The following CACNA1E variants were observed in gnomAD, a reference collection of about 807,000 sequenced individuals.
CACNA1E encodes the protein calcium voltage-gated channel subunit alpha1 E, also known as voltage-dependent R-type calcium channel subunit alpha-1E.
Under a neutral mutation model 259.2 loss-of-function variants are expected in CACNA1E, and 40 were observed. The ratio of observed to expected loss-of-function variants is 0.15; its 90% CI spans 0.12 to 0.20. The LOEUF is 0.20. Ranked by LOEUF, CACNA1E falls within the 10% of genes least tolerant of loss-of-function variation. The pLI, the probability that CACNA1E is intolerant of heterozygous loss-of-function variation, is 1.00. For missense variants in CACNA1E, 1,874 were observed against 3,040.1 expected (o/e 0.62, Z 9.02); for synonymous variants, 1,104 against 1,138.5 (o/e 0.97, Z 0.61).
intron 3 of CACNA1E, among the ~76,000 whole-genome samples, chr1:181,555,323 G>A (rs745320967): frequency 6.6e-5 from 10 of 152,204 alleles, no homozygotes; most frequent in African/African-American, 2.2e-4. Context: ...ACTCCAGGAG[G>A]AAAAGGTATG....
chr1:181,354,144 C>CTTT (rs374722982), intron 1 of CACNA1E, among the ~76,000 whole-genome samples: 2 of 135,736 alleles, frequency 1.5e-5, no homozygotes, highest in Admixed American at 7.5e-5. Flanking sequence ...GGGCAGAGGA[C>CTTT]TTTTTTTTTT....
intron 3 of CACNA1E, among the ~76,000 whole-genome samples, chr1:181,549,369 G>A (rs1210745863): frequency 6.6e-6 from 1 of 152,202 alleles, no homozygotes; most frequent in Admixed American, 6.5e-5. Flanking sequence ...GTGAGAATGA[G>A]GAAGAAGGGC....
chr1:181,590,205 A>G (rs1463254274), intron 6 of CACNA1E, among the ~76,000 whole-genome samples: 1 of 151,916 alleles, frequency 6.6e-6, no homozygotes, highest in African/African-American at 2.4e-5. Flanking sequence ...AAGAGAGGGA[A>G]GGATTGAACA....
Position 181,580,626 on chromosome 1 carries a change from A to T in CACNA1E, c.801A>T (p.Pro267=). The T allele has an allele frequency of 6.2e-7, 1 of 1,614,018 alleles. No homozygotes were observed. The highest frequency in any genetic ancestry group is 8.5e-7 in the Non-Finnish European group (1 of 1,179,880). The stretch of plus-strand genomic sequence containing the variant: ...TAGAAGGATTTGACCCCCCTCACCC[A>T]TGTGGTGTGCAGGGCTGCCCAGCTG... The part of the protein sequence containing the change: ...GILEGFDPPH[P]CGVQGCPAGY... Residue 267 remains proline, a synonymous_variant, in exon 6 of 48, where the codon CCA becomes CCT. Transcript: ENST00000367573.
At chr1:181,374,408 C>T (rs1468607788) in intron 1 of CACNA1E, among the ~76,000 whole-genome samples, 4 of 149,480 alleles carry the variant, frequency 2.7e-5, no homozygotes, top group Admixed American at 2.7e-4. Context: ...GGAGGAAATT[C>T]AACTTTGAAT....
intron 2 of CACNA1E, among the ~76,000 whole-genome samples, chr1:181,419,118 T>C (rs946365866): frequency 6.6e-6 from 1 of 152,134 alleles, no homozygotes; most frequent in African/African-American, 2.4e-5. Flanking sequence ...TCACAAAGGA[T>C]TTAGAAAGGT....
chr1:181,719,927 T>C (rs1032983483), intron 13 of CACNA1E, 64 bp downstream of exon 13: 26 of 965,988 alleles, frequency 2.7e-5, no homozygotes, highest in African/African-American at 2.5e-4. Context: ...TTCTGCCTTA[T>C]ATTTTCTTCC....
intron 8 of CACNA1E, among the ~76,000 whole-genome samples, chr1:181,712,373 C>T (rs1454819808): frequency 6.6e-6 from 1 of 152,140 alleles, no homozygotes; most frequent in Non-Finnish European, 1.5e-5. Flanking sequence ...GAAAACATAG[C>T]ACAAAAGTGA....
rs374690355 is a variant in CACNA1E at position 181,580,546 on chromosome 1, A to G, written c.770-49A>G. The G allele has an allele frequency of 1.3e-4, 201 of 1,570,898 alleles. No individual in the cohort carries two copies. In the African/African-American group the frequency reaches 2.5e-3, roughly 20 times the overall value. On this transcript the variant is annotated intron_variant, in intron 5 of 47. Transcript: ENST00000367573. The stretch of plus-strand genomic sequence containing the variant: ...GGCTTCCTGGGGTCATTTCCAGCTC[A>G]TGCGAAACACCATGTGATTTATCTC...
At chr1:181,381,618 T>C (rs1320559086) in intron 1 of CACNA1E, among the ~76,000 whole-genome samples, 1 of 152,232 alleles carries the variant, frequency 6.6e-6, no homozygotes, top group Non-Finnish European at 1.5e-5. Context: ...TACTCAATTC[T>C]ACTCCAATAA....
chr1:181,436,015 T>G (rs1470909522), intron 2 of CACNA1E, among the ~76,000 whole-genome samples: 1 of 152,064 alleles, frequency 6.6e-6, no homozygotes, highest in Non-Finnish European at 1.5e-5. Flanking sequence ...TCAAACGACT[T>G]AAGAGCAAGA....
At position 181,715,231 on chromosome 1, in the gene CACNA1E, T is replaced by G. The variant is rs1284167865; in HGVS notation, c.1172-107T>G. ...GGTGCCTGTGACAGGCTCTGAACTC[T>G]GCTCTCTCTCTGTTGCCCTGAGCTG... On this transcript the variant is annotated intron_variant, in intron 8 of 47. Coordinates refer to ENST00000367573, the MANE Select transcript of CACNA1E (RefSeq NM_001205293.3). 12 of 699,470 alleles carry G rather than the reference T, an allele frequency of 1.7e-5. No individual in the cohort carries two copies. The Admixed American group carries it at 2.4e-4, about 14-fold the overall frequency. The allele number at this position is 699,470 out of a possible 1,614,324, so 43.3% of individuals were successfully genotyped here.
chr1:181,763,450 C>T lies in CACNA1E; in HGVS notation c.4734C>T (p.Phe1578=), dbSNP rs115093623. The change falls in exon 34 of 48, where the codon TTC becomes TTT. Residue 1578 remains phenylalanine, a synonymous_variant. Transcript: ENST00000367573. ...SGFNMSFLKL[F]RAARLIKLLR... ...TCAATATGAGCTTTCTGAAGCTCTT[C>T]CGAGCTGCCCGCCTCATAAAGCTCC... is the stretch of plus-strand genomic sequence containing the variant. The T allele has an allele frequency of 2.5e-3, 3,961 of 1,605,520 alleles. 13 individuals are homozygous for T. The highest frequency in any genetic ancestry group is 0.022 in the Middle Eastern group (129 of 5,944).
intron 1 of CACNA1E, among the ~76,000 whole-genome samples, chr1:181,321,470 A>T (rs1650338625): frequency 6.6e-6 from 1 of 152,212 alleles, no homozygotes; most frequent in Non-Finnish European, 1.5e-5. Context: ...TCAGGATCAT[A>T]GTCAGGTGAA....
intron 6 of CACNA1E, among the ~76,000 whole-genome samples, chr1:181,589,276 T>C (rs1212505917): frequency 1.3e-5 from 2 of 151,974 alleles, no homozygotes; most frequent in African/African-American, 4.8e-5. Context: ...AATGGGAGAG[T>C]ACTGAAGAAA....
chr1:181,597,520 G>A (rs548965964), intron 6 of CACNA1E, among the ~76,000 whole-genome samples: 8 of 152,286 alleles, frequency 5.3e-5, no homozygotes, highest in African/African-American at 9.6e-5. Flanking sequence ...GTGGATAAAC[G>A]TACCATCAGC....
At chr1:181,480,593 A>G (rs1016977335), upstream of CACNA1E, among the ~76,000 whole-genome samples, 2 of 152,208 alleles carry the variant, frequency 1.3e-5, no homozygotes, top group Non-Finnish European at 2.9e-5. Context: ...CTGACATCTG[A>G]TAACACTGAA....
chr1:181,532,785 G>T (rs966502398), intron 3 of CACNA1E, among the ~76,000 whole-genome samples: 2 of 152,198 alleles, frequency 1.3e-5, no homozygotes, highest in African/African-American at 4.8e-5. Flanking sequence ...CCAAGCAGGG[G>T]ATACTTTTTT....
intron 1 of CACNA1E, among the ~76,000 whole-genome samples, chr1:181,355,463 C>A (rs1443419984): frequency 6.6e-6 from 1 of 152,126 alleles, no homozygotes; most frequent in Admixed American, 6.5e-5. Context: ...TGGCACGTGC[C>A]TGTAATCCCA....
Sources: gnomAD v4.1 joint callset for allele counts (sites outside exome capture counted in the v4.1 genomes callset) on GRCh38, gnomAD v4.1.1 for gene constraint, MANE v1.5 for transcripts, NCBI Gene and HGNC (gene_info 2026-07-23, HGNC 2026-07-21) for gene names.